Variants in PREP observed in about 807,000 individuals in gnomAD.
PREP encodes dJ355L5.1 (prolyl endopeptidase).
A neutral mutation model predicts 87.6 loss-of-function variants in PREP; 29 were observed. The observed-to-expected ratio is 0.33, with a 90% CI of 0.25 to 0.45. The LOEUF is 0.45. PREP is among the 20% of genes least tolerant of loss of function. The pLI is 1.00. For synonymous variants in PREP, 337 were observed against 328.6 expected (o/e 1.03, Z -0.28); for missense variants, 695 against 886.5 (o/e 0.78, Z 2.74).
At chr6:105,374,462 G>C (rs949095426) in intron 4 of PREP, among the ~76,000 whole-genome samples, 1 of 151,598 alleles carries the variant, frequency 6.6e-6, no homozygotes, top group Non-Finnish European at 1.5e-5. Flanking sequence ...ATTCTTTTAC[G>C]TGGAATTTCA....
chr6:105,340,797 C>T (rs1273637169), intron 7 of PREP, among the ~76,000 whole-genome samples: 1 of 152,094 alleles, frequency 6.6e-6, no homozygotes, highest in Non-Finnish European at 1.5e-5. Flanking sequence ...CAAAGAAGGC[C>T]ATTACATAAT....
intron 10 of PREP, among the ~76,000 whole-genome samples, chr6:105,295,266 G>A (rs543877223): frequency 6.7e-6 from 1 of 149,966 alleles, no homozygotes; most frequent in Non-Finnish European, 1.5e-5. Context: ...TAAAGCTTCT[G>A]CTAACTTCAT....
In PREP at chr6:105,317,276, G is replaced by A. The variant is rs879759175; in HGVS notation, c.1317+6389C>T. Among the ~76,000 whole-genome samples the A allele has an allele frequency of 1.3e-3, 199 of 151,438 alleles. 2 individuals carry two copies. The highest frequency in any genetic ancestry group is 0.012 in the Admixed American group (179 of 15,232). ...CCTGGCTAACATGTTTATTTAAGAG[G>A]TGAAAAAAAAATCCTGAGCTATAGC... On this transcript the variant is annotated intron_variant, in intron 10 of 14. Coordinates refer to ENST00000652536, the MANE Select transcript of PREP (RefSeq NM_002726.5).
chr6:105,296,602 CAACT>C (rs778528192), intron 10 of PREP, among the ~76,000 whole-genome samples: 6 of 152,002 alleles, frequency 3.9e-5, no homozygotes, highest in Admixed American at 1.3e-4. Context: ...CCCAAATGGC[CAACT>C]ATTATACACC....
At chr6:105,342,647 C>G (rs1771689909) in intron 7 of PREP, among the ~76,000 whole-genome samples, 2 of 152,098 alleles carry the variant, frequency 1.3e-5, no homozygotes, top group Admixed American at 6.5e-5. Context: ...CTGTGTCAGC[C>G]CAAAACCTCC....
At chr6:105,384,940 A>G (rs1164314525) in intron 2 of PREP, among the ~76,000 whole-genome samples, 1 of 152,240 alleles carries the variant, frequency 6.6e-6, no homozygotes, top group Admixed American at 6.5e-5. Context: ...CTGAACCCCA[A>G]TAACGTGAGC....
intron 10 of PREP, among the ~76,000 whole-genome samples, chr6:105,313,457 C>CG (rs1226323620): frequency 1.3e-5 from 2 of 152,160 alleles, no homozygotes; most frequent in Non-Finnish European, 2.9e-5. Flanking sequence ...AATGTTGCCC[C>CG]GGGGGTTTAA....
intron 11 of PREP, 66 bp from the exon 12 acceptor site, chr6:105,285,646 C>T: frequency 7.4e-7 from 1 of 1,346,636 alleles, no homozygotes; most frequent in Admixed American, 1.7e-5. Context: ...CCTCTCTCTC[C>T]ATCTCAAAAA....
chr6:105,317,543 C>T (rs556905759), intron 10 of PREP, among the ~76,000 whole-genome samples: 1 of 152,250 alleles, frequency 6.6e-6, no homozygotes, highest in Non-Finnish European at 1.5e-5. Context: ...AAAAACATAC[C>T]ACCTAGGAAA....
chr6:105,350,658 A>G (rs1771925032), intron 7 of PREP, among the ~76,000 whole-genome samples: 1 of 152,208 alleles, frequency 6.6e-6, no homozygotes, highest in Non-Finnish European at 1.5e-5. Context: ...CAAACAAACA[A>G]GAGTTCTCTA....
chr6:105,357,267 T>A (rs572061073), intron 6 of PREP, among the ~76,000 whole-genome samples: 1 of 152,216 alleles, frequency 6.6e-6, no homozygotes, highest in African/African-American at 2.4e-5. Context: ...ACATCAATCA[T>A]AAATGATGGC....
intron 2 of PREP, among the ~76,000 whole-genome samples, chr6:105,397,185 CA>C (rs67107334): frequency 3.0e-3 from 257 of 86,830 alleles, no homozygotes; most frequent in Admixed American, 5.1e-3. Context: ...ACTCTGTCTA[CA>C]AAAAAAAAAA....
At chr6:105,364,450 G>C (rs1261768719) in intron 6 of PREP, among the ~76,000 whole-genome samples, 1 of 152,216 alleles carries the variant, frequency 6.6e-6, no homozygotes. Context: ...ACAGCATCTA[G>C]GATATAAAGA....
At chr6:105,320,581 T>G (rs770270082) in intron 10 of PREP, among the ~76,000 whole-genome samples, 11 of 152,206 alleles carry the variant, frequency 7.2e-5, no homozygotes, top group African/African-American at 1.2e-4. Context: ...AGGTAGGCAG[T>G]GCCATTAAAA....
intron 10 of PREP, among the ~76,000 whole-genome samples, chr6:105,319,320 C>G (rs1321481599): frequency 6.6e-6 from 1 of 152,128 alleles, no homozygotes; most frequent in African/African-American, 2.4e-5. Context: ...TACTTGGATT[C>G]TCTTAATTTA....
intron 2 of PREP, among the ~76,000 whole-genome samples, chr6:105,395,199 T>C (rs995198865): frequency 1.3e-5 from 2 of 152,188 alleles, no homozygotes; most frequent in Non-Finnish European, 2.9e-5. Flanking sequence ...CAGGTCAGCA[T>C]GGGAGTGGGG....
chr6:105,288,637 G>A (rs1295100566), intron 11 of PREP, 121 bp downstream of exon 11: 2 of 1,308,652 alleles, frequency 1.5e-6, no homozygotes, highest in Non-Finnish European at 2.1e-6. Flanking sequence ...GATTATAGGT[G>A]TGAACCCCCA....
At chr6:105,295,588 G>A (rs954472695) in intron 10 of PREP, among the ~76,000 whole-genome samples, 2 of 150,540 alleles carry the variant, frequency 1.3e-5, no homozygotes, top group Non-Finnish European at 2.9e-5. Context: ...GGTCATCAAT[G>A]AACGTTTCTG....
chr6:105,386,933 C>T (rs946601812), intron 2 of PREP, among the ~76,000 whole-genome samples: 1 of 152,176 alleles, frequency 6.6e-6, no homozygotes, highest in African/African-American at 2.4e-5. Flanking sequence ...GAAGCTAAGG[C>T]CGGGTGCGGT....
Sources: gnomAD v4.1 joint callset for allele counts (sites outside exome capture counted in the v4.1 genomes callset) on GRCh38, gnomAD v4.1.1 for gene constraint, MANE v1.5 for transcripts, NCBI Gene and HGNC (gene_info 2026-07-23, HGNC 2026-07-21) for gene names.